The following TENM3 variants were observed in gnomAD, a reference collection of about 807,000 sequenced individuals.
TENM3 encodes teneurin-3.
TENM3 carries 63 observed loss-of-function variants against 255.1 expected under a neutral mutation model. The observed-to-expected ratio is 0.25, with a 90% CI of 0.20 to 0.30. TENM3 has a LOEUF of 0.30. TENM3 is among the 10% of genes least tolerant of loss of function. The pLI is 1.00. For missense variants in TENM3, 2,929 were observed against 3,461.1 expected, an observed-to-expected ratio of 0.85 and a Z score of 3.86; for synonymous variants, 1,306 against 1,322.3, an observed-to-expected ratio of 0.99 and a Z score of 0.27.
chr4:182,160,104 G>A (rs1218599234), intron 1 of TENM3, among the ~76,000 whole-genome samples: 1 of 149,864 alleles, frequency 6.7e-6, no homozygotes, highest in Non-Finnish European at 1.5e-5. Context: ...CCGGGTTCAC[G>A]CCATTCTCCT....
chr4:182,517,638 C>T (rs1738133035), intron 3 of TENM3, among the ~76,000 whole-genome samples: 1 of 130,034 alleles, frequency 7.7e-6, no homozygotes, highest in Admixed American at 7.8e-5. Context: ...CCGCCTCGGC[C>T]TCCCAAAGTG....
the TENM3 span, among the ~76,000 whole-genome samples, chr4:181,632,863 A>G: frequency 5.3e-5 from 8 of 152,308 alleles, no homozygotes; most frequent in East Asian, 1.5e-3. Context: ...CTCAAACCAA[A>G]CGAAACAACT....
chr4:182,317,863 C>T (rs1355447487), intron 1 of TENM3, among the ~76,000 whole-genome samples: 2 of 152,016 alleles, frequency 1.3e-5, no homozygotes, highest in African/African-American at 4.8e-5. Flanking sequence ...AAAGGAAATG[C>T]TTTGAAATTC....
intron 3 of TENM3, among the ~76,000 whole-genome samples, chr4:182,359,161 G>A (rs1200378428): frequency 2.0e-5 from 3 of 152,162 alleles, no homozygotes; most frequent in South Asian, 4.1e-4. Context: ...GTTCATCAAG[G>A]ATATTGGTCT....
intron 1 of TENM3, among the ~76,000 whole-genome samples, chr4:182,272,773 G>A (rs760042020): frequency 2.0e-5 from 3 of 152,204 alleles, no homozygotes; most frequent in Non-Finnish European, 2.9e-5. Flanking sequence ...AGAAAAGTCA[G>A]TGTGCAAGAA....
the TENM3 span, among the ~76,000 whole-genome samples, chr4:181,620,721 G>A: frequency 6.6e-6 from 1 of 151,584 alleles, no homozygotes; most frequent in Non-Finnish European, 1.5e-5. Flanking sequence ...CATAATGTCT[G>A]AGTTGATTTC....
chr4:181,587,004 C>T, the TENM3 span, among the ~76,000 whole-genome samples: 1 of 152,146 alleles, frequency 6.6e-6, no homozygotes. Context: ...CTTTATTCTT[C>T]TTATCTGCAC....
At chr4:182,325,176 A>G (rs1763312638) in intron 2 of TENM3, among the ~76,000 whole-genome samples, 1 of 152,246 alleles carries the variant, frequency 6.6e-6, no homozygotes, top group South Asian at 2.1e-4. Context: ...AACTTTAATA[A>G]TAAAGAATAT....
At chr4:182,715,600 C>T (rs1432052170) in intron 13 of TENM3, among the ~76,000 whole-genome samples, 1 of 152,204 alleles carries the variant, frequency 6.6e-6, no homozygotes, top group Non-Finnish European at 1.5e-5. Flanking sequence ...TTCAAAAGTG[C>T]TCATCTTGAC....
chr4:181,827,529 C>T, the TENM3 span, among the ~76,000 whole-genome samples: 1 of 152,178 alleles, frequency 6.6e-6, no homozygotes, highest in Non-Finnish European at 1.5e-5. Context: ...GCACATGCAA[C>T]AAATTCTTTG....
the TENM3 span, among the ~76,000 whole-genome samples, chr4:181,461,112 C>T: frequency 2.0e-5 from 3 of 151,770 alleles, no homozygotes; most frequent in Non-Finnish European, 2.9e-5. Flanking sequence ...ATCAGACTAT[C>T]GGAAAAAATA....
chr4:181,690,564 A>T, the TENM3 span, among the ~76,000 whole-genome samples: 3 of 152,198 alleles, frequency 2.0e-5, no homozygotes, highest in African/African-American at 7.2e-5. Context: ...ATACTGAAAA[A>T]AATTTATGCT....
At chr4:181,997,898 C>T in the TENM3 span, among the ~76,000 whole-genome samples, 2 of 152,140 alleles carry the variant, frequency 1.3e-5, no homozygotes, top group African/African-American at 2.4e-5. Context: ...TAATCTTATT[C>T]AAACAATTAG....
intron 1 of TENM3, among the ~76,000 whole-genome samples, chr4:182,315,244 AG>A: frequency 6.6e-6 from 1 of 152,152 alleles, no homozygotes; most frequent in East Asian, 1.9e-4. Flanking sequence ...TCCTTTGTAT[AG>A]GTACTTATTT....
Position 182,799,707 on chromosome 4 carries a change from T to G in TENM3, c.7456T>G (p.Trp2486Gly). The change falls in exon 28 of 28, where the codon TGG becomes GGG. Residue 2486 changes from tryptophan (W) to glycine (G), a missense_variant. Trp to Gly is a radical substitution (Grantham distance 184). This residue lies in a region of TENM3 where 476 missense variants were observed against 480.1 expected (regional missense o/e 0.99). Transcript: ENST00000511685. This position sits in a 1 kb window ranked among gnomAD's most constrained non-coding sequence, Gnocchi z 4.2. ...SRRRAGGAQSWLWFATVKSLI... is the reference protein window; with the variant it reads ...SRRRAGGAQSGLWFATVKSLI... ...GCGCCGGGCCGGCGGCGCGCAGTCC[T>G]GGCTGTGGTTCGCCACGGTCAAGTC... 6.4e-7 allele frequency: 1 copy of G among 1,551,124 alleles called. No individual in the cohort carries two copies. The highest frequency in any genetic ancestry group is 8.7e-7 in the Non-Finnish European group (1 of 1,147,500).
At chr4:182,777,836 C>CATAT (rs199749023) in intron 24 of TENM3, among the ~76,000 whole-genome samples, 108 of 139,714 alleles carry the variant, frequency 7.7e-4, no homozygotes, top group East Asian at 6.3e-3. Context: ...AGGAATACAG[C>CATAT]ATATATATAT....
At chr4:181,701,729 T>C in the TENM3 span, among the ~76,000 whole-genome samples, 1 of 152,234 alleles carries the variant, frequency 6.6e-6, no homozygotes, top group Non-Finnish European at 1.5e-5. Context: ...TGCCTGCACA[T>C]GATTTTGGAA....
At chr4:182,491,146 G>A (rs1463542868) in intron 3 of TENM3, among the ~76,000 whole-genome samples, 1 of 152,134 alleles carries the variant, frequency 6.6e-6, no homozygotes, top group Non-Finnish European at 1.5e-5. Context: ...TCTGAATACA[G>A]TGTGGTCAGT....
chr4:182,726,159 G>T (rs994956786), intron 13 of TENM3, among the ~76,000 whole-genome samples: 4 of 152,098 alleles, frequency 2.6e-5, no homozygotes, highest in African/African-American at 9.7e-5. Context: ...AGTGTGAAAA[G>T]AGTCCAACTT....
Sources: gnomAD v4.1 joint callset for allele counts (sites outside exome capture counted in the v4.1 genomes callset) on GRCh38, gnomAD v4.1.1 for gene constraint, gnomAD v4.1.1 regional missense constraint, Gnocchi (gnomAD v3.1) non-coding constraint, MANE v1.5 for transcripts, NCBI Gene and HGNC (gene_info 2026-07-23, HGNC 2026-07-21) for gene names.